GLUL: variants seen among roughly 807,000 people sequenced by gnomAD.
The protein encoded by GLUL is glutamate-ammonia ligase.
Under a neutral mutation model 36.9 loss-of-function variants are expected in GLUL, and 8 were observed. That is an observed-to-expected ratio of 0.22 (90% CI 0.13 to 0.39). The LOEUF (loss-of-function observed/expected upper bound fraction) is 0.39, where lower values mean the gene tolerates loss of function less well. GLUL is among the 10% of genes least tolerant of loss of function. The pLI is 1.00. For missense variants in GLUL, 315 were observed against 501.8 expected, an observed-to-expected ratio of 0.63 and a Z score of 3.56; for synonymous variants, 182 against 172.8, an observed-to-expected ratio of 1.05 and a Z score of -0.42.
At chr1:182,390,851 C>T (rs1298460785) in intron 1 of GLUL, 1 of 399,076 alleles carries the variant, frequency 2.5e-6, no homozygotes, top group Non-Finnish European at 4.4e-6. Flanking sequence ...GGAGGATCCC[C>T]GCTTCCCGCC....
At position 182,384,418 on chromosome 1, in the gene GLUL, T is replaced by C. The variant is rs767100055; in HGVS notation, c.1109A>G (p.Gln370Arg). 1.9e-6 allele frequency: 3 copies of C among 1,612,670 alleles called. No individual in the cohort carries two copies. In the Admixed American group the frequency reaches 5.0e-5, roughly 27 times the overall value. ...GGTCTAGTCCACTTAATTTTTGTAC[T>C]GGAAGGGCTCATCGCCGGTTTCATT... is the stretch of plus-strand genomic sequence containing the variant. ...LLNETGDEPF[Q>R]YKN is the part of the protein sequence containing the mutation. The change falls in exon 7 of 7, where the codon CAG (glutamine) becomes CGG (arginine). Residue 370 changes from glutamine (Q) to arginine (R), a missense_variant. Physicochemically the swap from Gln to Arg is conservative, Grantham distance 43. This residue lies in a region of GLUL where 58 missense variants were observed against 89.5 expected (regional missense o/e 0.65). Coordinates refer to ENST00000331872, the MANE Select transcript of GLUL (RefSeq NM_001033044.4).
intron 1 of GLUL, chr1:182,390,889 G>T: frequency 2.5e-6 from 1 of 398,886 alleles, no homozygotes; most frequent in South Asian, 1.3e-4. Flanking sequence ...TATCCACTTT[G>T]AGAGCAGCCC....
At position 182,380,361 on chromosome 1, in the gene GLUL, G is replaced by A. The variant is rs1200361965; in HGVS notation, c.*4044C>T. Among the ~76,000 whole-genome samples, 1 of 152,208 alleles carries A rather than the reference G, an allele frequency of 6.6e-6. No individual in the cohort carries two copies. Among genetic ancestry groups the A allele is most frequent in the African/African-American group, 2.4e-5 (1 of 41,448 alleles). On this transcript the variant is annotated 3_prime_UTR_variant, in exon 7 of 7. Coordinates refer to ENST00000331872, the MANE Select transcript of GLUL (RefSeq NM_001033044.4). ...CTTGATCTGTCACCCAGGCTGGAGT[G>A]CAGTGGTGCAATCACAATTCACTGC...
At chr1:182,386,601 C>T in intron 3 of GLUL, 199 bp from the exon 4 acceptor site, 1 of 627,134 alleles carries the variant, frequency 1.6e-6, no homozygotes, top group South Asian at 1.8e-5. Context: ...TGTAGGAAGA[C>T]TCTGAAAGAC....
At chr1:182,384,922 T>G in intron 6 of GLUL, 199 bp from the exon 7 acceptor site, 1 of 615,604 alleles carries the variant, frequency 1.6e-6, no homozygotes, top group Non-Finnish European at 2.9e-6. Context: ...GACTAATCAT[T>G]TGAAACTTTC....
intron 6 of GLUL, chr1:182,384,945 G>A: frequency 1.7e-6 from 1 of 588,710 alleles, no homozygotes; most frequent in Non-Finnish European, 3.0e-6. Flanking sequence ...CCCCTCATAA[G>A]CATTAAGCTT....
intron 1 of GLUL, chr1:182,390,659 C>CG: frequency 1.3e-5 from 5 of 399,264 alleles, no homozygotes; most frequent in Middle Eastern, 6.2e-4. Flanking sequence ...GCGGCCGGCC[C>CG]GGGGGGTGTC....
Position 182,378,433 on chromosome 1 carries a change from G to A in GLUL, c.*5972C>T, listed in dbSNP as rs910890128. Among the ~76,000 whole-genome samples, 1 of 152,178 alleles carries A rather than the reference G, an allele frequency of 6.6e-6. No homozygotes were observed. The highest frequency in any genetic ancestry group is 1.5e-5 in the Non-Finnish European group (1 of 68,030). On this transcript the variant is annotated 3_prime_UTR_variant, in exon 7 of 7. Transcript: ENST00000331872. Reference sequence around the variant, plus strand: ...TATCATGCTCAAATATTTATTAATTGACAGTGTCCGACAACCTCCTGTCCA... The same window carrying A: ...TATCATGCTCAAATATTTATTAATTAACAGTGTCCGACAACCTCCTGTCCA...
At chr1:182,391,604 CTGGGCGGCGCGCCTCGCGGGGTAGCA>C (rs1650422288) in intron 1 of GLUL, 49 bp downstream of exon 1, 1 of 178,298 alleles carries the variant, frequency 5.6e-6, no homozygotes, top group Non-Finnish European at 1.2e-5. Context: ...AAAAAAGAGG[CTGGGCGGCGCGCCTCGCGGGGTAGCA>C]GGGGCGGCGC....
At position 182,382,082 on chromosome 1, in the gene GLUL, C is replaced by T. The variant is rs2101927488; in HGVS notation, c.*2323G>A. On this transcript the variant is annotated 3_prime_UTR_variant, in exon 7 of 7. Transcript: ENST00000331872. ...TATCTCTAAAAACTATCACAGGCCCCAGCTACCTCGCACTGGTAAGAGTAT... is the reference window on the plus strand; with the variant it reads ...TATCTCTAAAAACTATCACAGGCCCTAGCTACCTCGCACTGGTAAGAGTAT... 1 of 152,326 alleles carries T rather than the reference C, an allele frequency of 6.6e-6. No individual in the cohort carries two copies. The highest frequency in any genetic ancestry group is 1.5e-5 in the Non-Finnish European group (1 of 68,034). The allele number at this position is 152,326 out of a possible 1,614,324, so 9.4% of individuals were successfully genotyped here.
chr1:182,387,085 C>T (rs757335121), intron 3 of GLUL, 46 bp downstream of exon 3: 2 of 1,440,542 alleles, frequency 1.4e-6, no homozygotes, highest in South Asian at 2.3e-5. Flanking sequence ...CCCTTCACAG[C>T]ATTCACAGAT....
rs373496025 is a variant in GLUL, at chr1:182,382,058, A to C, written c.*2347T>G. 4 of 152,232 alleles carry C rather than the reference A, an allele frequency of 2.6e-5. No homozygotes were observed. The highest frequency in any genetic ancestry group is 1.3e-4 in the Admixed American group (2 of 15,282). 9.4% of individuals were successfully genotyped at this position (152,232 alleles called of 1,614,324 possible). A position where few individuals can be genotyped will look rare whatever the true frequency, so the allele number is the denominator to read the frequency against. On this transcript the variant is annotated 3_prime_UTR_variant, in exon 7 of 7. Coordinates refer to ENST00000331872, the MANE Select transcript of GLUL (RefSeq NM_001033044.4). ...AAATACACAGTTGCCTGAAGAACTT[A>C]TCTCTAAAAACTATCACAGGCCCCA...
chr1:182,386,405 A>G lies in GLUL; in HGVS notation c.329-3T>C, dbSNP rs761537374. Reference sequence around the variant, plus strand: ...ACAGGTGTGCCTCAAATTGGTCTCTAGAAAAAAGAGTCAATAATACGCCAT... The same window carrying G: ...ACAGGTGTGCCTCAAATTGGTCTCTGGAAAAAAGAGTCAATAATACGCCAT... On this transcript the variant is annotated splice_region_variant and splice_polypyrimidine_tract_variant and intron_variant, in intron 3 of 6. Transcript: ENST00000331872. 6.2e-7 allele frequency: 1 copy of G among 1,604,072 alleles called. No individual in the cohort carries two copies. Among genetic ancestry groups the G allele is most frequent in the East Asian group, 2.2e-5 (1 of 44,830 alleles).
chr1:182,384,352 T>C lies in GLUL; in HGVS notation c.*53A>G, dbSNP rs188163623. The stretch of plus-strand genomic sequence containing the variant: ...GGGACAACTGGGAGAGGGGGAAGAG[T>C]TGGAGTGGGATGAAGAACTAGGAGG... On this transcript the variant is annotated 3_prime_UTR_variant, in exon 7 of 7. Transcript: ENST00000331872. The C allele has an allele frequency of 1.9e-5, 23 of 1,209,596 alleles. No homozygotes were observed. In the African/African-American group the frequency reaches 3.0e-4, roughly 16 times the overall value. 74.9% of individuals were successfully genotyped at this position (1,209,596 alleles called of 1,614,324 possible).
chr1:182,390,229 C>CA (rs201924233), intron 1 of GLUL: 8,803 of 264,290 alleles, frequency 0.033, 76 homozygotes, highest in African/African-American at 0.057. Context: ...TGTCGGAAAA[C>CA]AAAAAAAAAA....
chr1:182,388,723 T>G lies in GLUL; in HGVS notation c.15A>C (p.Ala5=), dbSNP rs751916827. The G allele has an allele frequency of 2.5e-6, 4 of 1,614,006 alleles. No individual in the cohort carries two copies. The East Asian group carries it at 6.7e-5, about 27-fold the overall frequency. The change falls in exon 2 of 7, where the codon GCA becomes GCC. Residue 5 remains alanine, a synonymous_variant. Coordinates refer to ENST00000331872, the MANE Select transcript of GLUL (RefSeq NM_001033044.4). MTTS[A]SSHLNKGIKQ... The stretch of plus-strand genomic sequence containing the variant: ...TGATGCCTTTATTTAAGTGGGAACT[T>G]GCTGAGGTGGTCATGGTGGAAGGTG...
chr1:182,386,689 C>T lies in GLUL; in HGVS notation c.329-287G>A, dbSNP rs190874892. On this transcript the variant is annotated intron_variant, in intron 3 of 6. Transcript: ENST00000331872. ...AACAGGGCAACTTTCACCTTATCTG[C>T]ATTCTGGCCACCTCCCAAGCACCAA... The T allele has an allele frequency of 2.0e-4, 101 of 504,832 alleles. No homozygotes were observed. The East Asian group carries it at 3.7e-3, about 18-fold the overall frequency. The allele number at this position is 504,832 out of a possible 1,614,324, so 31.3% of individuals were successfully genotyped here. A position where few individuals can be genotyped will look rare whatever the true frequency, so the allele number is the denominator to read the frequency against.
At chr1:182,388,331 GT>G (rs1256226791) in intron 2 of GLUL, among the ~76,000 whole-genome samples, 1 of 152,152 alleles carries the variant, frequency 6.6e-6, no homozygotes, top group Non-Finnish European at 1.5e-5. Flanking sequence ...ACCAGACTTA[GT>G]TTTTCTTCAA....
intron 3 of GLUL, 72 bp downstream of exon 3, chr1:182,387,059 G>T: frequency 8.4e-7 from 1 of 1,194,554 alleles, no homozygotes; most frequent in Non-Finnish European, 1.3e-6. Flanking sequence ...GCTGATTTCA[G>T]AATGTCTTCT....
Sources: gnomAD v4.1 joint callset for allele counts (sites outside exome capture counted in the v4.1 genomes callset) on GRCh38, gnomAD v4.1.1 for gene constraint, gnomAD v4.1.1 regional missense constraint, MANE v1.5 for transcripts, NCBI Gene and HGNC (gene_info 2026-07-23, HGNC 2026-07-21) for gene names.